Variants in ZFPM2 observed in about 807,000 individuals in gnomAD.
ZFPM2 encodes the protein zinc finger protein ZFPM2.
Under a neutral mutation model 98.6 loss-of-function variants are expected in ZFPM2, and 20 were observed. The ratio of observed to expected loss-of-function variants is 0.20; its 90% CI spans 0.14 to 0.29. The LOEUF is 0.29. ZFPM2 is among the 10% of genes least tolerant of loss of function. The pLI is 1.00. For missense variants in ZFPM2, 1,310 were observed against 1,388.6 expected (o/e 0.94, Z 0.90); for synonymous variants, 518 against 502.7 (o/e 1.03, Z -0.41).
At chr8:105,617,230 T>C (rs1013474346) in intron 4 of ZFPM2, among the ~76,000 whole-genome samples, 1 of 151,982 alleles carries the variant, frequency 6.6e-6, no homozygotes, top group African/African-American at 2.4e-5. Flanking sequence ...AAGTATTTGG[T>C]TGCAGACCCA....
chr8:105,442,694 C>G (rs1248663735), intron 2 of ZFPM2, among the ~76,000 whole-genome samples: 5 of 152,146 alleles, frequency 3.3e-5, no homozygotes, highest in Admixed American at 6.5e-5. Context: ...AGAGCTGATC[C>G]TGGGTTTCTA....
At chr8:105,611,198 C>G (rs181560612) in intron 4 of ZFPM2, among the ~76,000 whole-genome samples, 14 of 152,126 alleles carry the variant, frequency 9.2e-5, no homozygotes, top group African/African-American at 3.1e-4. Context: ...AATATTTAGC[C>G]AAGAGAGCCA....
intron 5 of ZFPM2, among the ~76,000 whole-genome samples, chr8:105,700,079 A>G (rs549263373): frequency 8.6e-4 from 131 of 152,294 alleles, no homozygotes; most frequent in African/African-American, 3.1e-3. Flanking sequence ...TTAACCTTGG[A>G]ATACTACCCC....
At chr8:105,797,952 C>T (rs1813882153) in intron 6 of ZFPM2, 1 of 152,134 alleles carries the variant, frequency 6.6e-6, no homozygotes, top group Non-Finnish European at 1.5e-5. Context: ...GCAGCTGTTT[C>T]ATCTTTCATT....
chr8:105,598,681 C>G (rs1816024860), intron 4 of ZFPM2, among the ~76,000 whole-genome samples: 2 of 152,018 alleles, frequency 1.3e-5, no homozygotes, highest in South Asian at 4.1e-4. Context: ...TCTACATTTG[C>G]CTCCTTGTTC....
chr8:105,496,156 A>ACATT (rs1467074849), intron 3 of ZFPM2, among the ~76,000 whole-genome samples: 2 of 151,960 alleles, frequency 1.3e-5, no homozygotes, highest in Non-Finnish European at 2.9e-5. Flanking sequence ...TATCTTTTTT[A>ACATT]CATTTATTTA....
At chr8:105,729,174 C>T (rs1375456143) in intron 5 of ZFPM2, among the ~76,000 whole-genome samples, 2 of 151,620 alleles carry the variant, frequency 1.3e-5, no homozygotes, top group Non-Finnish European at 3.0e-5. Flanking sequence ...TATTATATCT[C>T]TGAAGGTTAA....
At chr8:105,594,874 C>T (rs1486103598) in intron 4 of ZFPM2, among the ~76,000 whole-genome samples, 1 of 152,082 alleles carries the variant, frequency 6.6e-6, no homozygotes, top group Non-Finnish European at 1.5e-5. Context: ...TATATTTAGT[C>T]TCTGCCCTCA....
chr8:105,503,750 T>C (rs1813642411), intron 3 of ZFPM2, among the ~76,000 whole-genome samples: 1 of 152,194 alleles, frequency 6.6e-6, no homozygotes. Context: ...TTACTCACAT[T>C]GATAAAGTCT....
chr8:105,598,083 T>C (rs1297668452), intron 4 of ZFPM2, among the ~76,000 whole-genome samples: 2 of 144,140 alleles, frequency 1.4e-5, no homozygotes, highest in East Asian at 3.9e-4. Context: ...TTTTTTTTTT[T>C]GGTCAGAAAT....
chr8:105,803,613 C>A lies in ZFPM2; in HGVS notation c.*75C>A. 1 of 1,429,800 alleles carries A rather than the reference C, an allele frequency of 7.0e-7. No individual in the cohort carries two copies. Among genetic ancestry groups the A allele is most frequent in the Non-Finnish European group, 9.6e-7 (1 of 1,043,086 alleles). 88.6% of individuals were successfully genotyped at this position (1,429,800 alleles called of 1,614,324 possible). A position where few individuals can be genotyped will look rare whatever the true frequency, so the allele number is the denominator to read the frequency against. Reference sequence around the variant, plus strand: ...TAACCAGTCCAGAAAAAAAAATAAGCTGTTTGAATTACATCTGGGCAATCA... The same window carrying A: ...TAACCAGTCCAGAAAAAAAAATAAGATGTTTGAATTACATCTGGGCAATCA... On this transcript the variant is annotated 3_prime_UTR_variant, in exon 8 of 8. Transcript: ENST00000407775.
At chr8:105,574,869 C>A (rs1009334295) in intron 4 of ZFPM2, among the ~76,000 whole-genome samples, 3 of 151,018 alleles carry the variant, frequency 2.0e-5, no homozygotes, top group African/African-American at 7.3e-5. Flanking sequence ...TTAAAGGTAC[C>A]CAATTATATC....
chr8:105,413,570 T>G (rs1811622771), intron 1 of ZFPM2, among the ~76,000 whole-genome samples: 1 of 150,772 alleles, frequency 6.6e-6, no homozygotes, highest in Non-Finnish European at 1.5e-5. Flanking sequence ...TTTCTTCAAT[T>G]GTATGATTTG....
intron 5 of ZFPM2, among the ~76,000 whole-genome samples, chr8:105,741,606 G>A (rs1812217063): frequency 6.6e-6 from 1 of 151,996 alleles, no homozygotes; most frequent in South Asian, 2.1e-4. Context: ...ATGTGGGAGT[G>A]GAAACTAAGT....
chr8:105,638,007 G>A (rs1816881482), intron 5 of ZFPM2, among the ~76,000 whole-genome samples: 1 of 151,922 alleles, frequency 6.6e-6, no homozygotes, highest in Non-Finnish European at 1.5e-5. Context: ...TCATATAACT[G>A]AGAGTCCAGG....
At chr8:105,778,040 T>A (rs1024308144) in intron 5 of ZFPM2, among the ~76,000 whole-genome samples, 1 of 152,204 alleles carries the variant, frequency 6.6e-6, no homozygotes, top group African/African-American at 2.4e-5. Context: ...ATACCTCATA[T>A]TCCTACTGTA....
chr8:105,640,877 CG>C (rs1272971563), intron 5 of ZFPM2, among the ~76,000 whole-genome samples: 2 of 151,890 alleles, frequency 1.3e-5, no homozygotes, highest in African/African-American at 4.8e-5. Context: ...TCATATTTTA[CG>C]CATTTATTTA....
At chr8:105,518,037 T>G (rs1813974300) in intron 3 of ZFPM2, among the ~76,000 whole-genome samples, 1 of 152,174 alleles carries the variant, frequency 6.6e-6, no homozygotes, top group African/African-American at 2.4e-5. Flanking sequence ...CTCTGAAAAT[T>G]TTGTGACTAA....
At chr8:105,394,737 A>T (rs1811188291) in intron 1 of ZFPM2, among the ~76,000 whole-genome samples, 1 of 152,232 alleles carries the variant, frequency 6.6e-6, no homozygotes, top group Non-Finnish European at 1.5e-5. Context: ...TCTCACAGAC[A>T]GTGAAGAACA....
Sources: allele counts gnomAD v4.1 joint callset (sites outside exome capture counted in the v4.1 genomes callset), GRCh38; gene constraint gnomAD v4.1.1; transcripts MANE v1.5; gene names NCBI Gene and HGNC (gene_info 2026-07-23, HGNC 2026-07-21).